ASPH: variants seen among roughly 807,000 people sequenced by gnomAD.
ASPH encodes the protein aspartate beta-hydroxylase.
A neutral mutation model predicts 118.4 loss-of-function variants in ASPH; 100 were observed. The observed-to-expected ratio is 0.84, with a 90% CI of 0.72 to 1.00. The LOEUF (loss-of-function observed/expected upper bound fraction) is 1.00, where lower values mean the gene tolerates loss of function less well. Among genes scored for constraint, ASPH ranks in the 50% least tolerant of loss-of-function variants. The probability of loss-of-function intolerance (pLI) is 0.00; values close to 1 mark genes in which losing one functional copy is unlikely to be tolerated. For missense variants in ASPH, 920 were observed against 919.5 expected, an observed-to-expected ratio of 1.00 and a Z score of -0.01; for synonymous variants, 315 against 325.6, an observed-to-expected ratio of 0.97 and a Z score of 0.35.
rs189538264 is a variant in ASPH at position 61,665,326 on chromosome 8, A to T, written c.323-11666T>A. Reference sequence around the variant, plus strand: ...TAGAACTTCTACTTTCCTTTCTGTCATCTTTGTCTCGGGATGCCATTTTAC... The same window carrying T: ...TAGAACTTCTACTTTCCTTTCTGTCTTCTTTGTCTCGGGATGCCATTTTAC... On this transcript the variant is annotated intron_variant, in intron 3 of 24. Transcript: ENST00000379454. 47 of 1,611,472 alleles carry T rather than the reference A, an allele frequency of 2.9e-5. No individual in the cohort carries two copies. In the East Asian group the frequency reaches 8.9e-4, roughly 31 times the overall value.
chr8:61,631,852 C>T (rs893440069), intron 13 of ASPH: 2 of 152,246 alleles, frequency 1.3e-5, no homozygotes, highest in African/African-American at 4.8e-5. Context: ...CCTCCTGTAT[C>T]GGGGACGGTC....
intron 1 of ASPH, among the ~76,000 whole-genome samples, chr8:61,685,407 A>G (rs1055309099): frequency 2.6e-5 from 4 of 152,182 alleles, no homozygotes; most frequent in Non-Finnish European, 5.9e-5. Flanking sequence ...TCCCAAAGTC[A>G]CCAGTACAAG....
chr8:61,682,456 A>C, intron 2 of ASPH: 1 of 1,612,772 alleles, frequency 6.2e-7, no homozygotes, highest in Non-Finnish European at 8.5e-7. Flanking sequence ...CACCTCTGAT[A>C]AGTTATAACG....
Position 61,638,221 on chromosome 8 carries a change from G to A in ASPH, c.832+101C>T. 2.1e-6 allele frequency: 3 copies of A among 1,406,738 alleles called. No individual in the cohort carries two copies. In the East Asian group the frequency reaches 6.9e-5, roughly 32 times the overall value. 87.1% of individuals were successfully genotyped at this position (1,406,738 alleles called of 1,614,324 possible). ...TTTCTTACTGACTTGAAAATGTCTT[G>A]CATTTTTTCTACACTGACTCTTTGT... On this transcript the variant is annotated intron_variant, in intron 11 of 24. Transcript: ENST00000379454.
chr8:61,619,844 T>C (rs776527733), intron 13 of ASPH, among the ~76,000 whole-genome samples: 2 of 152,210 alleles, frequency 1.3e-5, no homozygotes, highest in Non-Finnish European at 2.9e-5. Context: ...CTGTTCTTTG[T>C]GTATTTCTAG....
At chr8:61,680,855 G>T in intron 3 of ASPH, 113 bp downstream of exon 3, 1 of 776,100 alleles carries the variant, frequency 1.3e-6, no homozygotes, top group South Asian at 2.8e-5. Flanking sequence ...TATGATTTAA[G>T]GGAGAAAAGT....
At position 61,506,319 on chromosome 8, in the gene ASPH, C is replaced by T. The variant is rs535664206; in HGVS notation, c.2127-2810G>A. Among the ~76,000 whole-genome samples, 13 of 152,120 alleles carry T rather than the reference C, an allele frequency of 8.5e-5. No individual in the cohort carries two copies. The South Asian group carries it at 2.3e-3, about 27-fold the overall frequency. On this transcript the variant is annotated intron_variant, in intron 24 of 24. Transcript: ENST00000379454. ...AAGGAGAAGAGTGGTTGCCAGTGGCCGGTGGGAGGACGGGAATGGGAGTTA... is the reference window on the plus strand; with the variant it reads ...AAGGAGAAGAGTGGTTGCCAGTGGCTGGTGGGAGGACGGGAATGGGAGTTA...
intron 1 of ASPH, among the ~76,000 whole-genome samples, chr8:61,699,710 C>T (rs1467344008): frequency 2.6e-5 from 4 of 151,982 alleles, no homozygotes; most frequent in Non-Finnish European, 5.9e-5. Context: ...AGTTTACTTG[C>T]AAGACTGTGA....
chr8:61,626,530 A>ATC (rs1468368662), intron 13 of ASPH, among the ~76,000 whole-genome samples: 2 of 152,064 alleles, frequency 1.3e-5, no homozygotes, highest in East Asian at 3.8e-4. Flanking sequence ...GAACTGAATA[A>ATC]TCTCAATCTT....
intron 18 of ASPH, among the ~76,000 whole-genome samples, chr8:61,561,078 G>A (rs1829683760): frequency 1.7e-5 from 1 of 58,982 alleles, no homozygotes; most frequent in African/African-American, 6.2e-5. Context: ...AAGGGAGAGA[G>A]GGAGGGAGGG....
At chr8:61,673,467 C>T (rs1823631317) in intron 3 of ASPH, among the ~76,000 whole-genome samples, 1 of 152,228 alleles carries the variant, frequency 6.6e-6, no homozygotes, top group Non-Finnish European at 1.5e-5. Flanking sequence ...TAAGCCAGAA[C>T]AGTGACTCTG....
Position 61,644,827 on chromosome 8 carries a change from C to T in ASPH, c.620-195G>A, listed in dbSNP as rs572729925. Among the ~76,000 whole-genome samples, 3 of 152,254 alleles carry T rather than the reference C, an allele frequency of 2.0e-5. 1 individual carries two copies. The South Asian group carries it at 6.2e-4, about 32-fold the overall frequency. ...ACTGTGGGATGTCTCACACATTCTC[C>T]TTCTCAGTCCACTCATCCCCACAAG... On this transcript the variant is annotated intron_variant, in intron 6 of 24. Coordinates refer to ENST00000379454, the MANE Select transcript of ASPH (RefSeq NM_004318.4).
intron 1 of ASPH, among the ~76,000 whole-genome samples, chr8:61,705,917 C>G (rs1250538532): frequency 6.6e-6 from 1 of 152,206 alleles, no homozygotes; most frequent in Non-Finnish European, 1.5e-5. Context: ...CAAAGCAAAT[C>G]TATCAAAATG....
intron 14 of ASPH, among the ~76,000 whole-genome samples, chr8:61,617,535 C>T (rs143908899): frequency 6.6e-6 from 1 of 152,306 alleles, no homozygotes; most frequent in East Asian, 1.9e-4. Context: ...TCGAGCTAAT[C>T]TCACCGATCT....
Position 61,583,936 on chromosome 8 carries a change from C to A in ASPH, c.1062+8G>T. On this transcript the variant is annotated splice_region_variant and intron_variant, in intron 15 of 24. Transcript: ENST00000379454. ...AACAAAACCATTGCACAAAAAATAT[C>A]AACCTACCCTTTTACGGAGTTTTTC... 6.5e-7 allele frequency: 1 copy of A among 1,545,632 alleles called. No homozygotes were observed. Among genetic ancestry groups the A allele is most frequent in the East Asian group, 2.3e-5 (1 of 43,594 alleles).
intron 13 of ASPH, chr8:61,624,454 A>T: frequency 1.0e-6 from 1 of 979,360 alleles, no homozygotes; most frequent in African/African-American, 1.7e-5. Context: ...TAATCTTCTA[A>T]AATACTAGTA....
intron 24 of ASPH, among the ~76,000 whole-genome samples, chr8:61,511,432 C>A (rs1031691238): frequency 3.3e-5 from 5 of 152,146 alleles, no homozygotes; most frequent in Non-Finnish European, 5.9e-5. Context: ...TAGCACAGTT[C>A]CAGCACATTG....
intron 10 of ASPH, among the ~76,000 whole-genome samples, chr8:61,638,670 G>C (rs1039867091): frequency 5.3e-5 from 8 of 152,138 alleles, no homozygotes; most frequent in Non-Finnish European, 1.2e-4. Flanking sequence ...GAATCAACTG[G>C]ATCCTGGTGT....
intron 2 of ASPH, among the ~76,000 whole-genome samples, chr8:61,681,558 C>T (rs1206398995): frequency 6.6e-6 from 1 of 151,568 alleles, no homozygotes. Flanking sequence ...TTATATTTTA[C>T]AATGATGACT....
Sources: gnomAD v4.1 joint callset for allele counts (sites outside exome capture counted in the v4.1 genomes callset) on GRCh38, gnomAD v4.1.1 for gene constraint, MANE v1.5 for transcripts, NCBI Gene and HGNC (gene_info 2026-07-23, HGNC 2026-07-21) for gene names.